EBF1: variants seen among roughly 807,000 people sequenced by gnomAD.
EBF1 encodes EBF transcription factor 1, also known as transcription factor COE1.
In EBF1, 10 loss-of-function variants were observed where a neutral mutation model predicts 68.4. The observed-to-expected ratio is 0.15, with a 90% CI of 0.09 to 0.25. The LOEUF (loss-of-function observed/expected upper bound fraction) is 0.25. Among genes scored for constraint, EBF1 ranks in the 10% least tolerant of loss-of-function variants. EBF1 has a pLI of 1.00. For missense variants in EBF1, 509 were observed against 794.4 expected (o/e 0.64, Z 4.32); for synonymous variants, 298 against 299.8 (o/e 0.99, Z 0.06).
At chr5:158,948,794 T>C (rs946928275) in intron 6 of EBF1, among the ~76,000 whole-genome samples, 6 of 152,222 alleles carry the variant, frequency 3.9e-5, no homozygotes, top group African/African-American at 1.4e-4. Flanking sequence ...TCTCGATGGT[T>C]ATCGACATTA....
At chr5:158,744,344 G>A (rs1164602883) in intron 10 of EBF1, among the ~76,000 whole-genome samples, 2 of 151,638 alleles carry the variant, frequency 1.3e-5, no homozygotes, top group African/African-American at 4.9e-5. Flanking sequence ...CGTCAAAAAG[G>A]TATAGAAAGA....
At position 158,929,769 on chromosome 5, in the gene EBF1, G is replaced by A. The variant is rs75752189; in HGVS notation, c.555-89659C>T. 7.3e-3 allele frequency among the ~76,000 whole-genome samples: 1,118 copies of A among 152,302 alleles called. 20 individuals are homozygous for A. Among genetic ancestry groups the A allele is most frequent in the African/African-American group, 0.026 (1,064 of 41,558 alleles). The stretch of plus-strand genomic sequence containing the variant: ...CAAAAGATTATTATAAGGCAAATCT[G>A]CTGACAGCTGATTAATTTGTTTGAT... On this transcript the variant is annotated intron_variant, in intron 6 of 15. Coordinates refer to ENST00000313708, the MANE Select transcript of EBF1 (RefSeq NM_024007.5).
intron 8 of EBF1, among the ~76,000 whole-genome samples, chr5:158,807,871 A>G (rs1781890955): frequency 6.6e-6 from 1 of 152,160 alleles, no homozygotes; most frequent in South Asian, 2.1e-4. Context: ...TAAGAAAACC[A>G]TGTTTTGAAT....
intron 15 of EBF1, 61 bp downstream of exon 15, chr5:158,707,916 AGG>A: frequency 6.6e-7 from 1 of 1,513,082 alleles, no homozygotes; most frequent in Admixed American, 2.0e-5. Context: ...CATCTGCTTC[AGG>A]CCCTGGGAGG....
At chr5:158,768,425 T>G (rs1289144337) in intron 10 of EBF1, among the ~76,000 whole-genome samples, 1 of 152,136 alleles carries the variant, frequency 6.6e-6, no homozygotes. Context: ...GTCAGATATA[T>G]GCATAGGAAA....
intron 6 of EBF1, among the ~76,000 whole-genome samples, chr5:159,072,331 C>T (rs924394525): frequency 1.3e-4 from 19 of 151,942 alleles, no homozygotes; most frequent in Non-Finnish European, 2.5e-4. Flanking sequence ...TATGTTGAAG[C>T]GAAGTAAACA....
chr5:159,015,076 G>A (rs933428657), intron 6 of EBF1, among the ~76,000 whole-genome samples: 6 of 152,212 alleles, frequency 3.9e-5, no homozygotes, highest in Non-Finnish European at 5.9e-5. Context: ...ACTTGCAGCC[G>A]AATCTAACTA....
intron 6 of EBF1, among the ~76,000 whole-genome samples, chr5:159,026,784 C>T (rs1443860486): frequency 1.3e-5 from 2 of 152,160 alleles, no homozygotes; most frequent in African/African-American, 4.8e-5. Context: ...AGTACACAAG[C>T]AGAGGACCAA....
chr5:159,049,564 T>C (rs1448438713), intron 6 of EBF1, among the ~76,000 whole-genome samples: 2 of 152,220 alleles, frequency 1.3e-5, no homozygotes, highest in Non-Finnish European at 2.9e-5. Context: ...TTCTGCAAAA[T>C]GTAAAAACTT....
intron 6 of EBF1, among the ~76,000 whole-genome samples, chr5:158,864,173 A>C (rs922688787): frequency 2.7e-5 from 4 of 148,856 alleles, no homozygotes; most frequent in African/African-American, 1.0e-4. Context: ...GCAGTGAGCC[A>C]AGATCATGCC....
chr5:158,827,518 A>G (rs2127893132), intron 7 of EBF1, among the ~76,000 whole-genome samples: 1 of 152,304 alleles, frequency 6.6e-6, no homozygotes, highest in Non-Finnish European at 1.5e-5. Flanking sequence ...AGTTCAGTCT[A>G]GTTTTCCCAA....
At chr5:159,031,125 G>A (rs1236125001) in intron 6 of EBF1, among the ~76,000 whole-genome samples, 1 of 152,302 alleles carries the variant, frequency 6.6e-6, no homozygotes, top group African/African-American at 2.4e-5. Context: ...GGTGAGCTGA[G>A]ATCATGCCAC....
chr5:158,983,601 T>C (rs1449964861), intron 6 of EBF1: 3 of 152,182 alleles, frequency 2.0e-5, no homozygotes, highest in Non-Finnish European at 4.4e-5. Flanking sequence ...AAGAAGAACA[T>C]GTCATTTAGG....
At chr5:158,839,074 G>T (rs1407786534) in intron 7 of EBF1, among the ~76,000 whole-genome samples, 4 of 152,156 alleles carry the variant, frequency 2.6e-5, no homozygotes, top group African/African-American at 9.7e-5. Context: ...GAAGCACCAC[G>T]TCTAGACTCA....
Position 158,887,185 on chromosome 5 carries a change from G to A in EBF1, c.555-47075C>T, listed in dbSNP as rs532160785. ...AATGAATGGCTTCTGTTCTGTTGTC[G>A]TAACTTTTTTAGACATATAGGACCA... On this transcript the variant is annotated intron_variant, in intron 6 of 15. Coordinates refer to ENST00000313708, the MANE Select transcript of EBF1 (RefSeq NM_024007.5). Among the ~76,000 whole-genome samples the A allele has an allele frequency of 2.0e-4, 31 of 152,162 alleles. No homozygotes were observed. The South Asian group carries it at 3.9e-3, about 19-fold the overall frequency.
At chr5:159,045,736 C>T (rs1772249997) in intron 6 of EBF1, among the ~76,000 whole-genome samples, 1 of 152,168 alleles carries the variant, frequency 6.6e-6, no homozygotes, top group African/African-American at 2.4e-5. Flanking sequence ...TCAAATTGTG[C>T]ATCCTAAAAT....
intron 6 of EBF1, among the ~76,000 whole-genome samples, chr5:158,949,916 C>T (rs1379254409): frequency 6.6e-6 from 1 of 152,216 alleles, no homozygotes; most frequent in Non-Finnish European, 1.5e-5. Flanking sequence ...ATCCATACTT[C>T]CAGGAAGAAC....
intron 15 of EBF1, chr5:158,707,732 G>A (rs955780705): frequency 1.8e-5 from 9 of 491,188 alleles, no homozygotes; most frequent in African/African-American, 1.5e-4. Flanking sequence ...CCGGGCCTGA[G>A]CAGAATTGCT....
chr5:158,721,633 C>T (rs1015937090), intron 11 of EBF1, among the ~76,000 whole-genome samples: 64 of 152,102 alleles, frequency 4.2e-4, no homozygotes, highest in African/African-American at 1.4e-3. Flanking sequence ...ATTACTGTCC[C>T]GTAAGCAATA....
Sources: allele counts gnomAD v4.1 joint callset (sites outside exome capture counted in the v4.1 genomes callset), GRCh38; gene constraint gnomAD v4.1.1; transcripts MANE v1.5; gene names NCBI Gene and HGNC (gene_info 2026-07-23, HGNC 2026-07-21).